The following TMTC1 variants were observed in gnomAD, a reference collection of about 807,000 sequenced individuals.
TMTC1 encodes transmembrane O-mannosyltransferase targeting cadherins 1.
A neutral mutation model predicts 104.8 loss-of-function variants in TMTC1; 73 were observed. That is an observed-to-expected ratio of 0.70 (90% CI 0.58 to 0.85). TMTC1 has a LOEUF of 0.85. TMTC1 is among the 40% of genes least tolerant of loss of function. The probability of loss-of-function intolerance (pLI) is 0.00; values close to 1 mark genes in which losing one functional copy is unlikely to be tolerated. For synonymous variants in TMTC1, 434 were observed against 428.7 expected, an observed-to-expected ratio of 1.01 and a Z score of -0.15; for missense variants, 1,035 against 1,096.1, an observed-to-expected ratio of 0.94 and a Z score of 0.79.
intron 5 of TMTC1, among the ~76,000 whole-genome samples, chr12:29,716,964 G>A (rs1045228895): frequency 2.0e-5 from 3 of 152,210 alleles, no homozygotes; most frequent in South Asian, 2.1e-4. Context: ...GCAGTGAGCC[G>A]AGATCGAGCC....
At chr12:29,635,265 A>G (rs1289404204) in intron 5 of TMTC1, among the ~76,000 whole-genome samples, 1 of 151,630 alleles carries the variant, frequency 6.6e-6, no homozygotes. Flanking sequence ...CCATCTCCAC[A>G]GGAAAGTGAT....
At chr12:29,670,532 C>T (rs1166735517) in intron 5 of TMTC1, among the ~76,000 whole-genome samples, 2 of 152,168 alleles carry the variant, frequency 1.3e-5, no homozygotes, top group East Asian at 3.9e-4. Flanking sequence ...CCTCTCACGG[C>T]ATTTCCAACA....
At chr12:29,740,702 T>A (rs1038071104) in intron 5 of TMTC1, among the ~76,000 whole-genome samples, 1 of 152,188 alleles carries the variant, frequency 6.6e-6, no homozygotes, top group Admixed American at 6.5e-5. Context: ...CTTGAACTCC[T>A]AGGCTCAAGT....
At chr12:29,692,253 A>G (rs192469688) in intron 5 of TMTC1, among the ~76,000 whole-genome samples, 7 of 144,866 alleles carry the variant, frequency 4.8e-5, no homozygotes, top group Non-Finnish European at 1.1e-4. Context: ...ATTGCTTCCC[A>G]TCAACATCAT....
At chr12:29,694,533 AT>A (rs58249121) in intron 5 of TMTC1, among the ~76,000 whole-genome samples, 66 of 149,546 alleles carry the variant, frequency 4.4e-4, no homozygotes, top group African/African-American at 6.6e-4. Context: ...TTATCTTTTA[AT>A]TTTTTTTTTT....
rs1346381309 is a variant in TMTC1 at position 29,783,879 on chromosome 12, C to A, written c.-128G>T. 12 of 910,612 alleles carry A rather than the reference C, an allele frequency of 1.3e-5. No individual in the cohort carries two copies. In the African/African-American group the frequency reaches 1.8e-4, roughly 13 times the overall value. The allele number at this position is 910,612 out of a possible 1,614,324, so 56.4% of individuals were successfully genotyped here. ...GGCATGGTGCTGCGGCAGCTGGACC[C>A]GCCGCGAGCTCCCCGCGCTCCGCCG... is the stretch of plus-strand genomic sequence containing the variant. On this transcript the variant is annotated 5_prime_UTR_variant, in exon 1 of 18. Transcript: ENST00000539277. This position sits in a 1 kb window ranked among gnomAD's most constrained non-coding sequence, Gnocchi z 4.7.
At chr12:29,710,916 A>AATAT (rs3042145) in intron 5 of TMTC1, among the ~76,000 whole-genome samples, 2,529 of 52,270 alleles carry the variant, frequency 0.048, 60 homozygotes, top group Middle Eastern at 0.081. Flanking sequence ...ATAATATATA[A>AATAT]ATATATATAA....
At chr12:29,517,703 T>A in intron 13 of TMTC1, 132 bp from the exon 14 acceptor site, 1 of 1,057,696 alleles carries the variant, frequency 9.5e-7, no homozygotes, top group Non-Finnish European at 1.3e-6. Flanking sequence ...TTTATATCAA[T>A]AACAAGGTTT....
At chr12:29,626,929 C>T (rs1194983251) in intron 6 of TMTC1, among the ~76,000 whole-genome samples, 2 of 152,022 alleles carry the variant, frequency 1.3e-5, no homozygotes, top group Non-Finnish European at 2.9e-5. Context: ...AGTGAAACCA[C>T]ATCTCTACTA....
intron 5 of TMTC1, among the ~76,000 whole-genome samples, chr12:29,647,188 T>C (rs926950762): frequency 1.3e-5 from 2 of 152,020 alleles, no homozygotes; most frequent in Non-Finnish European, 2.9e-5. Context: ...CCTAGCTAAT[T>C]TTTGTATTTT....
At chr12:29,513,840 G>A (rs1943907012) in intron 16 of TMTC1, among the ~76,000 whole-genome samples, 1 of 152,072 alleles carries the variant, frequency 6.6e-6, no homozygotes, top group South Asian at 2.1e-4. Context: ...CAATCTAACT[G>A]GGGAGATAAA....
chr12:29,577,392 A>G (rs1305217638), intron 8 of TMTC1, among the ~76,000 whole-genome samples: 1 of 152,150 alleles, frequency 6.6e-6, no homozygotes, highest in Non-Finnish European at 1.5e-5. Context: ...CAGACAAAGG[A>G]AAATACTCAT....
At chr12:29,651,797 C>T (rs1939531896) in intron 5 of TMTC1, among the ~76,000 whole-genome samples, 1 of 151,494 alleles carries the variant, frequency 6.6e-6, no homozygotes, top group South Asian at 2.1e-4. Context: ...TAGTCTAGGG[C>T]TATGTAAGAA....
chr12:29,600,868 C>T (rs1199008909), intron 7 of TMTC1, among the ~76,000 whole-genome samples: 1 of 152,118 alleles, frequency 6.6e-6, no homozygotes. Context: ...AAGAGAAACA[C>T]TCAGAAAAAG....
chr12:29,572,272 G>T, intron 8 of TMTC1, 54 bp from the exon 9 acceptor site: 1 of 1,378,986 alleles, frequency 7.3e-7, no homozygotes, highest in Non-Finnish European at 1.0e-6. Flanking sequence ...ATTATTGTCA[G>T]ATTCCTTTAT....
In TMTC1 at chr12:29,704,195, T is replaced by G. The variant is rs1156955862; in HGVS notation, c.938+47471A>C. 3.3e-5 allele frequency among the ~76,000 whole-genome samples: 5 copies of G among 152,230 alleles called. No individual in the cohort carries two copies. The East Asian group carries it at 9.6e-4, about 29-fold the overall frequency. On this transcript the variant is annotated intron_variant, in intron 5 of 17. Transcript: ENST00000539277. ...TCAGTAATAGCTACTTTGATATTTG[T>G]AAATCTATTCTTGGTTTTCAAAACA...
Position 29,514,511 on chromosome 12 carries a change from C to G in TMTC1, c.2401G>C (p.Glu801Gln). ...LFFTKGNQLREQNLLDKAFES... is the reference protein window; with the variant it reads ...LFFTKGNQLRQQNLLDKAFES... ...AAAGCTTTGTCGAGAAGGTTCTGCT[C>G]TCTTAATTGGTTTCCTTTTGTGAAA... The change falls in exon 16 of 18, where the codon GAG becomes CAG. Residue 801 changes from glutamate (E) to glutamine (Q), a missense_variant. By Grantham distance (29) the Glu-to-Gln change is conservative. Coordinates refer to ENST00000539277, the MANE Select transcript of TMTC1 (RefSeq NM_001193451.2). 1 of 1,613,910 alleles carries G rather than the reference C, an allele frequency of 6.2e-7. No homozygotes were observed. The highest frequency in any genetic ancestry group is 1.3e-5 in the African/African-American group (1 of 75,016).
At chr12:29,719,764 C>T (rs765737509) in intron 5 of TMTC1, among the ~76,000 whole-genome samples, 15 of 152,188 alleles carry the variant, frequency 9.9e-5, no homozygotes, top group Non-Finnish European at 1.6e-4. Flanking sequence ...TTCAATGTCC[C>T]GCTTTCACCT....
chr12:29,561,356 T>G (rs1400417892), intron 9 of TMTC1, among the ~76,000 whole-genome samples: 1 of 152,204 alleles, frequency 6.6e-6, no homozygotes, highest in Non-Finnish European at 1.5e-5. Context: ...TTTGGCTAAA[T>G]CATTCAACTA....
Sources: gnomAD v4.1 joint callset for allele counts (sites outside exome capture counted in the v4.1 genomes callset) on GRCh38, gnomAD v4.1.1 for gene constraint, Gnocchi (gnomAD v3.1) non-coding constraint, MANE v1.5 for transcripts, NCBI Gene and HGNC (gene_info 2026-07-23, HGNC 2026-07-21) for gene names.